The following FBXL4 variants were observed in gnomAD, a reference collection of about 807,000 sequenced individuals.
FBXL4 encodes the protein F-box/LRR-repeat protein 4.
A neutral mutation model predicts 58.9 loss-of-function variants in FBXL4; 40 were observed. The observed-to-expected ratio is 0.68, with a 90% CI of 0.53 to 0.88. The LOEUF (loss-of-function observed/expected upper bound fraction) is 0.88. Among genes scored for constraint, FBXL4 ranks in the 40% least tolerant of loss-of-function variants. FBXL4 has a pLI of 0.00. For synonymous variants in FBXL4, 263 were observed against 265.5 expected (o/e 0.99, Z 0.09); for missense variants, 676 against 734.4 (o/e 0.92, Z 0.92).
chr6:98,891,075 C>A (rs1771209356), intron 7 of FBXL4, among the ~76,000 whole-genome samples: 1 of 152,096 alleles, frequency 6.6e-6, no homozygotes, highest in Non-Finnish European at 1.5e-5. Context: ...AGAAGTTATT[C>A]TTTTATACAG....
intron 2 of FBXL4, among the ~76,000 whole-genome samples, chr6:98,931,656 G>C (rs527795223): frequency 2.6e-5 from 4 of 152,236 alleles, no homozygotes; most frequent in African/African-American, 9.6e-5. Flanking sequence ...AATAAGCAAG[G>C]CATAGAAATA....
At position 98,873,675 on chromosome 6, in the gene FBXL4, A is replaced by T. The variant is rs1214817230; in HGVS notation, c.*603T>A. On this transcript the variant is annotated 3_prime_UTR_variant, in exon 10 of 10. Transcript: ENST00000369244. ...ATCATAAGTACACTAGAGTCTCAAAATCCCATCTCAAGTAATCCTCCTGCC... is the reference window on the plus strand; with the variant it reads ...ATCATAAGTACACTAGAGTCTCAAATTCCCATCTCAAGTAATCCTCCTGCC... The T allele has an allele frequency of 6.6e-6, 1 of 152,140 alleles. No individual in the cohort carries two copies. Among genetic ancestry groups the T allele is most frequent in the African/African-American group, 2.4e-5 (1 of 41,408 alleles). The allele number at this position is 152,140 out of a possible 1,614,324, so 9.4% of individuals were successfully genotyped here.
At chr6:98,875,782 T>C (rs1203269733) in intron 8 of FBXL4, 55 bp from the exon 9 acceptor site, 1 of 1,528,760 alleles carries the variant, frequency 6.5e-7, no homozygotes, top group Non-Finnish European at 9.0e-7. Flanking sequence ...ATGCAAACTG[T>C]TTAGAGTAAG....
intron 1 of FBXL4, among the ~76,000 whole-genome samples, chr6:98,943,838 G>C (rs1055541138): frequency 2.6e-5 from 4 of 151,970 alleles, no homozygotes. Flanking sequence ...TCACTAAACA[G>C]GGCAAAAAAG....
Position 98,874,117 on chromosome 6 carries a change from G to A in FBXL4, c.*161C>T, listed in dbSNP as rs566557659. On this transcript the variant is annotated 3_prime_UTR_variant, in exon 10 of 10. Transcript: ENST00000369244. Reference sequence around the variant, plus strand: ...TGCAGTATTTTATGAAAACATTTGTGCACATTTTTACTTGATTTAATGGAC... The same window carrying A: ...TGCAGTATTTTATGAAAACATTTGTACACATTTTTACTTGATTTAATGGAC... 15 of 509,306 alleles carry A rather than the reference G, an allele frequency of 2.9e-5. No individual in the cohort carries two copies. Among genetic ancestry groups the A allele is most frequent in the Middle Eastern group, 5.3e-4 (1 of 1,898 alleles). 31.5% of individuals were successfully genotyped at this position (509,306 alleles called of 1,614,324 possible).
At chr6:98,897,343 A>G (rs757453779) in intron 7 of FBXL4, 6 of 985,098 alleles carry the variant, frequency 6.1e-6, no homozygotes, top group Non-Finnish European at 7.2e-6. Context: ...CCACAGACCA[A>G]TGAAAACACA....
chr6:98,870,657 C>T lies in FBXL4; in HGVS notation c.*3621G>A, dbSNP rs987561654. 6.6e-6 allele frequency: 1 copy of T among 151,828 alleles called. No individual in the cohort carries two copies. Among genetic ancestry groups the T allele is most frequent in the African/African-American group, 2.4e-5 (1 of 41,332 alleles). The allele number at this position is 151,828 out of a possible 1,614,324, so 9.4% of individuals were successfully genotyped here. Reference sequence around the variant, plus strand: ...CTAGTGCTTACCCATAACATCAAAACAAGAGAAAAAAAGAAAAGTAGACTT... The same window carrying T: ...CTAGTGCTTACCCATAACATCAAAATAAGAGAAAAAAAGAAAAGTAGACTT... On this transcript the variant is annotated 3_prime_UTR_variant, in exon 10 of 10. Transcript: ENST00000369244.
At chr6:98,882,597 C>T (rs534252010) in intron 7 of FBXL4, among the ~76,000 whole-genome samples, 1 of 150,894 alleles carries the variant, frequency 6.6e-6, no homozygotes, top group South Asian at 2.1e-4. Context: ...AAAAGAATGC[C>T]CATAATAACC....
At chr6:98,929,602 C>T (rs1306460236) in intron 2 of FBXL4, among the ~76,000 whole-genome samples, 1 of 150,344 alleles carries the variant, frequency 6.7e-6, no homozygotes, top group Non-Finnish European at 1.5e-5. Context: ...GAAAGAAAGT[C>T]AATGAGCAGA....
intron 2 of FBXL4, among the ~76,000 whole-genome samples, chr6:98,930,112 A>G (rs1772957181): frequency 6.6e-6 from 1 of 152,268 alleles, no homozygotes; most frequent in Non-Finnish European, 1.5e-5. Context: ...GATGCATCAC[A>G]GTAAAAAGTT....
At chr6:98,909,008 C>CTT (rs3216496) in intron 5 of FBXL4, among the ~76,000 whole-genome samples, 104,424 of 151,930 alleles carry the variant, frequency 0.69, 36,720 homozygotes, top group African/African-American at 0.85. Context: ...TTTAGGCAAA[C>CTT]TTCAATTTTA....
chr6:98,904,649 T>C lies in FBXL4; in HGVS notation c.1103+777A>G, dbSNP rs570577744. The stretch of plus-strand genomic sequence containing the variant: ...TAAAAATAGAATACAAGAGTATTCA[T>C]TAATTAAAAATAACAGAAAATTTCT... On this transcript the variant is annotated intron_variant, in intron 6 of 9. Coordinates refer to ENST00000369244, the MANE Select transcript of FBXL4 (RefSeq NM_001278716.2). Among the ~76,000 whole-genome samples the C allele has an allele frequency of 5.1e-4, 77 of 152,280 alleles. 1 individual carries two copies. Among genetic ancestry groups the C allele is most frequent in the Middle Eastern group, 3.4e-3 (1 of 294 alleles).
chr6:98,902,085 C>G (rs773082675), intron 6 of FBXL4, among the ~76,000 whole-genome samples: 9 of 152,002 alleles, frequency 5.9e-5, no homozygotes, highest in Non-Finnish European at 8.8e-5. Flanking sequence ...TAACTTGCAT[C>G]CTAAAATAAT....
In FBXL4 at chr6:98,942,253, T is replaced by C. The variant is rs1054576430; in HGVS notation, c.-309+5553A>G. On this transcript the variant is annotated intron_variant, in intron 1 of 9. Coordinates refer to ENST00000369244, the MANE Select transcript of FBXL4 (RefSeq NM_001278716.2). ...TTCAAAAACAGGGAAGACATACTAT[T>C]CAAGTAACAGTGACCTTATAGTTAA... is the stretch of plus-strand genomic sequence containing the variant. 3.9e-5 allele frequency among the ~76,000 whole-genome samples: 6 copies of C among 152,130 alleles called. 2 individuals are homozygous for C. Among genetic ancestry groups the C allele is most frequent in the Middle Eastern group, 6.8e-3 (2 of 294 alleles).
At chr6:98,939,576 T>C (rs1041417812) in intron 1 of FBXL4, among the ~76,000 whole-genome samples, 1 of 152,240 alleles carries the variant, frequency 6.6e-6, no homozygotes, top group African/African-American at 2.4e-5. Flanking sequence ...AATTCTCTTT[T>C]CTTTTTTCAC....
chr6:98,927,722 C>G lies in FBXL4; in HGVS notation c.-90G>C, dbSNP rs1327033559. 6.6e-6 allele frequency: 1 copy of G among 152,220 alleles called. No homozygotes were observed. Among genetic ancestry groups the G allele is most frequent in the African/African-American group, 2.4e-5 (1 of 41,444 alleles). The allele number at this position is 152,220 out of a possible 1,614,324, so 9.4% of individuals were successfully genotyped here. The stretch of plus-strand genomic sequence containing the variant: ...TCACTCACCCCAGATAGAATGGTCA[C>G]AGGATACACATGGGAAATGCAAAAG... On this transcript the variant is annotated 5_prime_UTR_variant, in exon 3 of 10. Transcript: ENST00000369244.
At chr6:98,875,316 TG>T in intron 9 of FBXL4, 98 bp downstream of exon 9, 1 of 1,115,992 alleles carries the variant, frequency 9.0e-7, no homozygotes, top group South Asian at 1.3e-5. Context: ...AAATTTTTAT[TG>T]TATCCAAAAA....
Position 98,917,491 on chromosome 6 carries a change from T to C in FBXL4, c.741A>G (p.Glu247=). 1 of 1,614,058 alleles carries C rather than the reference T, an allele frequency of 6.2e-7. No homozygotes were observed. The highest frequency in any genetic ancestry group is 8.5e-7 in the Non-Finnish European group (1 of 1,179,930). The change falls in exon 5 of 10, where the codon GAA becomes GAG. Residue 247 remains glutamate (E), a synonymous_variant. Coordinates refer to ENST00000369244, the MANE Select transcript of FBXL4 (RefSeq NM_001278716.2). ...CATCCTTTTCTGCATAGGCATCATC[T>C]TCTATATCATTCATGTCAATAAGTG... ...KTSLIDMNDI[E]DDAYAEKDGC...
At chr6:98,887,598 T>G (rs1453434922) in intron 7 of FBXL4, among the ~76,000 whole-genome samples, 1 of 152,200 alleles carries the variant, frequency 6.6e-6, no homozygotes, top group East Asian at 1.9e-4. Flanking sequence ...AAAAAATCAT[T>G]TAATATTAGA....
Sources: gnomAD v4.1 joint callset for allele counts (sites outside exome capture counted in the v4.1 genomes callset) on GRCh38, gnomAD v4.1.1 for gene constraint, MANE v1.5 for transcripts, NCBI Gene and HGNC (gene_info 2026-07-23, HGNC 2026-07-21) for gene names.